The following PLXNA4 variants were observed in gnomAD, a reference collection of about 807,000 sequenced individuals.
The protein encoded by PLXNA4 is plexin A4, also known as plexin-A4.
PLXNA4 carries 44 observed loss-of-function variants against 191.8 expected under a neutral mutation model. That is an observed-to-expected ratio of 0.23 (90% confidence interval 0.18 to 0.29). The LOEUF (loss-of-function observed/expected upper bound fraction) is 0.29. PLXNA4 is among the 10% of genes least tolerant of loss of function. The pLI, the probability that PLXNA4 is intolerant of heterozygous loss-of-function variation, is 1.00. For synonymous variants in PLXNA4, 1,082 were observed against 1,009.5 expected (o/e 1.07, Z -1.36); for missense variants, 1,800 against 2,488.8 (o/e 0.72, Z 5.89).
At chr7:132,247,357 T>C (rs1272640545) in intron 4 of PLXNA4, among the ~76,000 whole-genome samples, 1 of 152,140 alleles carries the variant, frequency 6.6e-6, no homozygotes, top group African/African-American at 2.4e-5. Context: ...TTAATTTAAA[T>C]GTCCAAAAGG....
At chr7:132,374,288 G>C (rs1804567833) in intron 3 of PLXNA4, among the ~76,000 whole-genome samples, 1 of 152,204 alleles carries the variant, frequency 6.6e-6, no homozygotes, top group Non-Finnish European at 1.5e-5. Flanking sequence ...CTGGGAGATT[G>C]TGTTCATTAG....
chr7:132,469,801 T>A (rs981342215), intron 3 of PLXNA4, among the ~76,000 whole-genome samples: 1 of 152,232 alleles, frequency 6.6e-6, no homozygotes, highest in African/African-American at 2.4e-5. Context: ...CAACAGTAAC[T>A]GTTAAGCGGA....
intron 3 of PLXNA4, among the ~76,000 whole-genome samples, chr7:132,370,067 CAAAAA>C (rs368638967): frequency 6.3e-5 from 7 of 111,088 alleles, no homozygotes; most frequent in Admixed American, 8.9e-5. Flanking sequence ...GACTCTGACT[CAAAAA>C]AAAAAAAAAA....
chr7:132,217,744 T>A (rs1484547730), intron 9 of PLXNA4, among the ~76,000 whole-genome samples: 3 of 151,972 alleles, frequency 2.0e-5, no homozygotes, highest in Non-Finnish European at 4.4e-5. Flanking sequence ...AGCAAAGTAA[T>A]AATATAAAAA....
At chr7:132,199,751 C>A (rs942410571) in intron 12 of PLXNA4, among the ~76,000 whole-genome samples, 1 of 152,230 alleles carries the variant, frequency 6.6e-6, no homozygotes, top group African/African-American at 2.4e-5. Flanking sequence ...GCAGAAGGAA[C>A]TAGGCTGTGC....
intron 1 of PLXNA4, among the ~76,000 whole-genome samples, chr7:132,528,282 C>T (rs73158880): frequency 0.1 from 15,483 of 152,168 alleles, 1,084 homozygotes; most frequent in Non-Finnish European, 0.14. Flanking sequence ...CTCCATGGTG[C>T]GGACTACATT....
chr7:132,583,642 A>G (rs547208956), intron 2 of PLXNA4, among the ~76,000 whole-genome samples: 1 of 152,230 alleles, frequency 6.6e-6, no homozygotes, highest in Non-Finnish European at 1.5e-5. Flanking sequence ...TTCTGAGGAC[A>G]GTGCTTAGGC....
At chr7:132,182,047 C>T in intron 17 of PLXNA4, 50 bp downstream of exon 17, 1 of 1,613,392 alleles carries the variant, frequency 6.2e-7, no homozygotes, top group Non-Finnish European at 8.5e-7. Flanking sequence ...TTTGGGGAAG[C>T]AACGTGTTGC....
At chr7:132,599,892 C>T (rs1802785321) in intron 2 of PLXNA4, among the ~76,000 whole-genome samples, 1 of 152,076 alleles carries the variant, frequency 6.6e-6, no homozygotes, top group African/African-American at 2.4e-5. Flanking sequence ...TTGTCATAAA[C>T]AGCTGTTGAA....
chr7:132,421,617 A>T (rs952710994), intron 3 of PLXNA4, among the ~76,000 whole-genome samples: 6 of 152,178 alleles, frequency 3.9e-5, no homozygotes, highest in African/African-American at 1.2e-4. Context: ...CAAAACAAAA[A>T]TAACTACCTT....
At chr7:132,419,260 G>A (rs1235141751) in intron 3 of PLXNA4, among the ~76,000 whole-genome samples, 2 of 152,138 alleles carry the variant, frequency 1.3e-5, no homozygotes, top group African/African-American at 2.4e-5. Flanking sequence ...AGTTCTTCTG[G>A]GGAGAAAAAT....
intron 3 of PLXNA4, among the ~76,000 whole-genome samples, chr7:132,379,177 T>C (rs1245868832): frequency 6.6e-6 from 1 of 152,178 alleles, no homozygotes; most frequent in African/African-American, 2.4e-5. Context: ...ACAGATGCCA[T>C]AACATTTCAT....
chr7:132,612,264 GA>G (rs1251694165), intron 2 of PLXNA4, among the ~76,000 whole-genome samples: 1 of 152,000 alleles, frequency 6.6e-6, no homozygotes, highest in Admixed American at 6.6e-5. Flanking sequence ...GTGTGACCTC[GA>G]AAAAAATTGG....
intron 2 of PLXNA4, among the ~76,000 whole-genome samples, chr7:132,632,863 G>C (rs1803520580): frequency 6.6e-6 from 1 of 152,070 alleles, no homozygotes; most frequent in Non-Finnish European, 1.5e-5. Context: ...AAATTATCTG[G>C]GACCTACTGT....
chr7:132,520,548 T>A (rs898994702), intron 1 of PLXNA4, among the ~76,000 whole-genome samples: 4 of 152,194 alleles, frequency 2.6e-5, no homozygotes, highest in Non-Finnish European at 5.9e-5. Flanking sequence ...ATTTCCTACA[T>A]GTAGCAAGTA....
chr7:132,237,678 C>G (rs1346314477), intron 5 of PLXNA4, among the ~76,000 whole-genome samples: 1 of 152,196 alleles, frequency 6.6e-6, no homozygotes, highest in Non-Finnish European at 1.5e-5. Flanking sequence ...CTTGCCCTGA[C>G]AGAGCATCTT....
Position 132,125,991 on chromosome 7 carries a change from G to GCTGT in PLXNA4, c.*4484_*4487dup, listed in dbSNP as rs1321963740. The stretch of plus-strand genomic sequence containing the variant: ...CTGTCTGTCTTTCCCTCACTGCTTG[G>GCTGT]CTGTCTGTGAGGTGGGAGGTTTGTC... On this transcript the variant is annotated 3_prime_UTR_variant, in exon 32 of 32. Transcript: ENST00000321063. The GCTGT allele has an allele frequency of 3.9e-5, 6 of 152,284 alleles. No homozygotes were observed. In the South Asian group the frequency reaches 6.2e-4, roughly 16 times the overall value. 9.4% of individuals were successfully genotyped at this position (152,284 alleles called of 1,614,324 possible). A position where few individuals can be genotyped will look rare whatever the true frequency, so the allele number is the denominator to read the frequency against.
chr7:132,304,014 A>G (rs1274002359), intron 3 of PLXNA4, among the ~76,000 whole-genome samples: 1 of 152,172 alleles, frequency 6.6e-6, no homozygotes, highest in Non-Finnish European at 1.5e-5. Flanking sequence ...GAGCTTGACT[A>G]ATACAACACA....
chr7:132,303,522 T>C (rs983714506), intron 3 of PLXNA4, among the ~76,000 whole-genome samples: 1 of 152,130 alleles, frequency 6.6e-6, no homozygotes, highest in Non-Finnish European at 1.5e-5. Flanking sequence ...TCAGCCAAGA[T>C]GGTGCTACTG....
Sources: gnomAD v4.1 joint callset for allele counts (sites outside exome capture counted in the v4.1 genomes callset) on GRCh38, gnomAD v4.1.1 for gene constraint, MANE v1.5 for transcripts, NCBI Gene and HGNC (gene_info 2026-07-23, HGNC 2026-07-21) for gene names.